Variants in IKBKE observed in about 807,000 individuals in gnomAD.
IKBKE encodes inhibitor of nuclear factor kappa B kinase subunit epsilon.
Under a neutral mutation model 92.1 loss-of-function variants are expected in IKBKE, and 45 were observed. The ratio of observed to expected loss-of-function variants is 0.49; its 90% CI spans 0.38 to 0.63. IKBKE has a LOEUF of 0.63. IKBKE is among the 20% of genes least tolerant of loss of function. The pLI is 0.00. For missense variants in IKBKE, 700 were observed against 932.8 expected (o/e 0.75, Z 3.25); for synonymous variants, 374 against 380.3 (o/e 0.98, Z 0.19).
Position 206,496,179 on chromosome 1 carries a change from T to C in IKBKE, c.*34T>C, listed in dbSNP as rs782379747. On this transcript the variant is annotated 3_prime_UTR_variant, in exon 22 of 22. Transcript: ENST00000581977. Reference sequence around the variant, plus strand: ...GGGCACATGAGGCATCCTGAAGCATTAGAATGATTCCAACACTGCTCTTCT... The same window carrying C: ...GGGCACATGAGGCATCCTGAAGCATCAGAATGATTCCAACACTGCTCTTCT... The C allele has an allele frequency of 1.9e-6, 3 of 1,577,526 alleles. No individual in the cohort carries two copies. The Admixed American group carries it at 5.0e-5, about 26-fold the overall frequency.
chr1:206,473,236 C>T lies in IKBKE; in HGVS notation c.9C>T (p.Ser3=). The stretch of plus-strand genomic sequence containing the variant: ...CCAGCTCAGGGCAGGAGATGCAGAG[C>T]ACAGCCAATTACCTGTGGCACACAG... MQ[S]TANYLWHTDD... The change falls in exon 3 of 22, where the codon AGC becomes AGT. Residue 3 remains serine, a synonymous_variant. Transcript: ENST00000581977. The T allele has an allele frequency of 6.2e-7, 1 of 1,612,378 alleles. No homozygotes were observed.
chr1:206,470,953 G>C (rs577288926), intron 1 of IKBKE, among the ~76,000 whole-genome samples: 7 of 152,184 alleles, frequency 4.6e-5, no homozygotes, highest in Non-Finnish European at 7.3e-5. Flanking sequence ...CTTTCTCCCT[G>C]GCCGGAGTCT....
rs41299336 is a variant in IKBKE at position 206,489,530 on chromosome 1, C to T, written c.1694-1289C>T. On this transcript the variant is annotated intron_variant, in intron 16 of 21. Coordinates refer to ENST00000581977, the MANE Select transcript of IKBKE (RefSeq NM_014002.4). Reference sequence around the variant, plus strand: ...CCAGCCTGGGCAACATAGCAAGACCCCGTCTCTACAAAAAATAAACAAAAC... The same window carrying T: ...CCAGCCTGGGCAACATAGCAAGACCTCGTCTCTACAAAAAATAAACAAAAC... 2.7e-3 allele frequency among the ~76,000 whole-genome samples: 411 copies of T among 151,752 alleles called. 1 individual carries two copies. The highest frequency in any genetic ancestry group is 9.7e-3 in the African/African-American group (402 of 41,358).
chr1:206,481,841 G>A (rs974243211), intron 13 of IKBKE, among the ~76,000 whole-genome samples: 2 of 137,978 alleles, frequency 1.4e-5, no homozygotes, highest in Non-Finnish European at 3.0e-5. Flanking sequence ...GTGCAGTGGC[G>A]CGATCTCGGC....
In IKBKE at chr1:206,485,139, G is replaced by T. The variant is rs563184104; in HGVS notation, c.1504-55G>T. On this transcript the variant is annotated intron_variant, in intron 14 of 21. Transcript: ENST00000581977. This position sits in a 1 kb window ranked among gnomAD's most constrained non-coding sequence, Gnocchi z 5.0. The stretch of plus-strand genomic sequence containing the variant: ...TGGGGGCCCGTGTTCCAGCCAGCCT[G>T]CCCACCAGTGCCCAGGCTGAAGACC... 59 of 1,583,390 alleles carry T rather than the reference G, an allele frequency of 3.7e-5. No individual in the cohort carries two copies. The African/African-American group carries it at 5.8e-4, about 15-fold the overall frequency.
chr1:206,491,456 G>A, intron 17 of IKBKE, 192 bp from the exon 18 acceptor site: 2 of 504,784 alleles, frequency 4.0e-6, no homozygotes, highest in Non-Finnish European at 3.7e-6. Context: ...GGCTTTGCTG[G>A]CCACTGCAAC....
intron 21 of IKBKE, 23 bp downstream of exon 21, chr1:206,494,014 A>G: frequency 6.2e-7 from 1 of 1,608,698 alleles, no homozygotes. Flanking sequence ...CACCTTGTGT[A>G]GGTCAGGGCC....
At chr1:206,495,289 T>C (rs1666179210) in intron 21 of IKBKE, among the ~76,000 whole-genome samples, 1 of 152,234 alleles carries the variant, frequency 6.6e-6, no homozygotes, top group Non-Finnish European at 1.5e-5. Flanking sequence ...TGTTCAGCTT[T>C]GAGCTTCAGT....
At position 206,493,095 on chromosome 1, in the gene IKBKE, G is replaced by C. The variant is rs1666038463; in HGVS notation, c.1908G>C (p.Gln636His). 1 of 1,593,406 alleles carries C rather than the reference G, an allele frequency of 6.3e-7. No homozygotes were observed. The highest frequency in any genetic ancestry group is 1.3e-5 in the African/African-American group (1 of 74,672). ...TGGCTGCCTGTAACACAGAAGCCCA[G>C]GGGGTCCAGGAGAGTCTCAGCAAGG... ...CSVAACNTEAQGVQESLSKLL... is the reference protein window; with the variant it reads ...CSVAACNTEAHGVQESLSKLL... The change falls in exon 19 of 22, where the codon CAG becomes CAC. Residue 636 changes from glutamine to histidine, a missense_variant. Transcript: ENST00000581977.
At chr1:206,494,357 C>T (rs1329465713) in intron 21 of IKBKE, among the ~76,000 whole-genome samples, 1 of 152,084 alleles carries the variant, frequency 6.6e-6, no homozygotes, top group Non-Finnish European at 1.5e-5. Flanking sequence ...CATGTGCTAC[C>T]CCAGGAAGCC....
intron 21 of IKBKE, among the ~76,000 whole-genome samples, chr1:206,495,145 C>T (rs1666165314): frequency 6.6e-6 from 1 of 152,112 alleles, no homozygotes; most frequent in Non-Finnish European, 1.5e-5. Context: ...GCACGCATCT[C>T]CCACTCCTGC....
chr1:206,474,577 G>T, intron 4 of IKBKE, 106 bp downstream of exon 4: 1 of 1,207,968 alleles, frequency 8.3e-7, no homozygotes, highest in Non-Finnish European at 1.1e-6. Context: ...TCATCAGCAG[G>T]TCAGAGACAG....
Position 206,476,768 on chromosome 1 carries a change from T to C in IKBKE, c.631T>C (p.Leu211=). 1 of 1,614,228 alleles carries C rather than the reference T, an allele frequency of 6.2e-7. No individual in the cohort carries two copies. Among genetic ancestry groups the C allele is most frequent in the South Asian group, 1.1e-5 (1 of 91,086 alleles). ...TVDLWSIGVT[L]YHAATGSLPF... is the part of the protein sequence containing the mutation. ...GGATCTCTGGAGCATTGGAGTGACC[T>C]TGTACCATGCAGCCACTGGCAGCCT... The change falls in exon 7 of 22, where the codon TTG becomes CTG. Residue 211 remains leucine, a synonymous_variant. Coordinates refer to ENST00000581977, the MANE Select transcript of IKBKE (RefSeq NM_014002.4). The surrounding 1 kb of genome is among the most constrained non-coding windows in gnomAD (Gnocchi z 5.1).
chr1:206,483,751 T>C (rs1238651218), intron 13 of IKBKE, among the ~76,000 whole-genome samples: 1 of 152,238 alleles, frequency 6.6e-6, no homozygotes, highest in Non-Finnish European at 1.5e-5. Flanking sequence ...TCCTTCTAGA[T>C]ATTTTTCTAC....
intron 20 of IKBKE, among the ~76,000 whole-genome samples, 174 bp from the exon 21 acceptor site, chr1:206,493,746 G>A (rs1345903087): frequency 2.0e-5 from 3 of 152,230 alleles, no homozygotes; most frequent in Non-Finnish European, 4.4e-5. Context: ...CCAAGATTAT[G>A]CCACTGCACT....
chr1:206,491,813 ACC>A, intron 18 of IKBKE, 64 bp downstream of exon 18: 1 of 1,210,942 alleles, frequency 8.3e-7, no homozygotes, highest in Non-Finnish European at 1.2e-6. Context: ...GCTTCAGAGG[ACC>A]CAGGGCTTTG....
At chr1:206,475,328 C>G (rs1664999807) in intron 5 of IKBKE, among the ~76,000 whole-genome samples, 1 of 152,212 alleles carries the variant, frequency 6.6e-6, no homozygotes, top group African/African-American at 2.4e-5. Context: ...CACAGAAGGA[C>G]AAATCCTGTA....
Position 206,493,956 on chromosome 1 carries a change from A to G in IKBKE, c.2082A>G (p.Ala694=). ...TCTGCGAGGGGATGAAGCTGCTGGC[A>G]TCTGACCTCCTGGACAACAACCGCA... ...QELCEGMKLL[A]SDLLDNNRII... Residue 694 remains alanine (A), a synonymous_variant, in exon 21 of 22, where the codon GCA becomes GCG. Coordinates refer to ENST00000581977, the MANE Select transcript of IKBKE (RefSeq NM_014002.4). 1 of 1,614,152 alleles carries G rather than the reference A, an allele frequency of 6.2e-7. No homozygotes were observed.
chr1:206,488,903 C>A (rs1223062503), intron 16 of IKBKE, among the ~76,000 whole-genome samples: 1 of 152,114 alleles, frequency 6.6e-6, no homozygotes, highest in Non-Finnish European at 1.5e-5. Context: ...TATCCAGTGT[C>A]ATTTTAGCGT....
Sources: allele counts gnomAD v4.1 joint callset (sites outside exome capture counted in the v4.1 genomes callset), GRCh38; gene constraint gnomAD v4.1.1; non-coding constraint Gnocchi (gnomAD v3.1); transcripts MANE v1.5; gene names NCBI Gene and HGNC (gene_info 2026-07-23, HGNC 2026-07-21).